Variants in DGKB observed in about 807,000 individuals in gnomAD.
DGKB encodes the protein 90 kDa diacylglycerol kinase.
DGKB carries 67 observed loss-of-function variants against 114.3 expected under a neutral mutation model. That is an observed-to-expected ratio of 0.59 (90% CI 0.48 to 0.72). The LOEUF is 0.72. Ranked by LOEUF, DGKB falls within the 30% of genes least tolerant of loss-of-function variation. The pLI, the probability that DGKB is intolerant of heterozygous loss-of-function variation, is 0.00. For synonymous variants in DGKB, 398 were observed against 323.1 expected (o/e 1.23, Z -2.49); for missense variants, 907 against 975.2 (o/e 0.93, Z 0.93).
intron 21 of DGKB, among the ~76,000 whole-genome samples, chr7:14,455,293 C>T (rs1360087943): frequency 6.6e-6 from 1 of 151,970 alleles, no homozygotes; most frequent in East Asian, 1.9e-4. Flanking sequence ...GGTGTGGAAT[C>T]ATGAACATTT....
chr7:14,675,950 T>G (rs1050344302), intron 12 of DGKB, among the ~76,000 whole-genome samples: 1 of 152,048 alleles, frequency 6.6e-6, no homozygotes, highest in Non-Finnish European at 1.5e-5. Context: ...TGAATCAAAT[T>G]TGTATGACAG....
At position 14,148,971 on chromosome 7, in the gene DGKB, C is replaced by CTAA; in HGVS notation, c.*157_*159dup. 3.1e-6 allele frequency: 2 copies of CTAA among 640,676 alleles called. No individual in the cohort carries two copies. The highest frequency in any genetic ancestry group is 2.7e-6 in the Non-Finnish European group (1 of 372,622). 39.7% of individuals were successfully genotyped at this position (640,676 alleles called of 1,614,324 possible). A position where few individuals can be genotyped will look rare whatever the true frequency, so the allele number is the denominator to read the frequency against. Reference sequence around the variant, plus strand: ...TATAAAAACTGAGACAATAAATTTTCTAATAGCTGAATTTTACATTAGCTT... The same window carrying CTAA: ...TATAAAAACTGAGACAATAAATTTTCTAATAATAGCTGAATTTTACATTAGCTT... On this transcript the variant is annotated 3_prime_UTR_variant, in exon 26 of 26. Coordinates refer to ENST00000402815, the MANE Select transcript of DGKB (RefSeq NM_001350709.2).
At chr7:14,295,427 G>A (rs1428351287) in intron 23 of DGKB, among the ~76,000 whole-genome samples, 1 of 152,062 alleles carries the variant, frequency 6.6e-6, no homozygotes, top group African/African-American at 2.4e-5. Flanking sequence ...GGCCAAAAGT[G>A]TGTTTGAATT....
At chr7:14,416,122 GT>G (rs1825695700) in intron 21 of DGKB, among the ~76,000 whole-genome samples, 1 of 151,944 alleles carries the variant, frequency 6.6e-6, no homozygotes, top group African/African-American at 2.4e-5. Context: ...GGGGTTGTTT[GT>G]TTTTTTCTTG....
chr7:14,381,836 T>G (rs1047608669), intron 21 of DGKB, among the ~76,000 whole-genome samples: 2 of 152,178 alleles, frequency 1.3e-5, no homozygotes, highest in Non-Finnish European at 2.9e-5. Context: ...ATTATATTGG[T>G]CCCAGAGGAA....
rs369072856 is a variant in DGKB at position 14,283,911 on chromosome 7, A to G, written c.2122+54604T>C. On this transcript the variant is annotated intron_variant, in intron 23 of 25. Coordinates refer to ENST00000402815, the MANE Select transcript of DGKB (RefSeq NM_001350709.2). ...CGTTAGACCTAAAACCATAAAAACC[A>G]TAGAAGAAAACCTAGGCATTACCAT... Among the ~76,000 whole-genome samples the G allele has an allele frequency of 2.0e-5, 3 of 151,880 alleles. No individual in the cohort carries two copies. The East Asian group carries it at 5.8e-4, about 29-fold the overall frequency.
At chr7:14,380,652 T>A (rs906702497) in intron 21 of DGKB, among the ~76,000 whole-genome samples, 8 of 152,224 alleles carry the variant, frequency 5.3e-5, no homozygotes, top group Admixed American at 3.3e-4. Context: ...AGAAAACAAA[T>A]TTAATAATAA....
intron 13 of DGKB, among the ~76,000 whole-genome samples, chr7:14,669,691 T>G (rs1461258340): frequency 6.6e-6 from 1 of 152,184 alleles, no homozygotes; most frequent in East Asian, 1.9e-4. Context: ...CAAAGTCCAT[T>G]GTTTTGGACT....
chr7:14,525,719 A>G (rs1052321483), intron 20 of DGKB, among the ~76,000 whole-genome samples: 27 of 151,878 alleles, frequency 1.8e-4, no homozygotes, highest in African/African-American at 6.5e-4. Flanking sequence ...ATAAAAAAAA[A>G]GTAGAAAAAG....
intron 20 of DGKB, among the ~76,000 whole-genome samples, chr7:14,547,532 T>C (rs145050698): frequency 3.6e-4 from 55 of 152,300 alleles, no homozygotes; most frequent in Admixed American, 1.5e-3. Context: ...GTTTTGTAAG[T>C]TAATTATAGA....
rs144261317 is a variant in DGKB at position 14,811,126 on chromosome 7, G to A, written c.70+30068C>T. 1.9e-3 allele frequency among the ~76,000 whole-genome samples: 291 copies of A among 152,220 alleles called. 3 individuals are homozygous for A. The highest frequency in any genetic ancestry group is 0.014 in the Middle Eastern group (4 of 294). On this transcript the variant is annotated intron_variant, in intron 2 of 25. Transcript: ENST00000402815. ...GATTTTGATGGTATAACTAAAAAGT[G>A]GCATTCTGGAAGCTCAGAATAGATC...
chr7:14,570,446 C>CA (rs967239255), intron 20 of DGKB, among the ~76,000 whole-genome samples: 4 of 151,832 alleles, frequency 2.6e-5, no homozygotes, highest in Non-Finnish European at 4.4e-5. Flanking sequence ...CTCTTGCAGA[C>CA]AAAAAAATTG....
At chr7:14,653,999 A>C (rs1445071104) in intron 13 of DGKB, among the ~76,000 whole-genome samples, 1 of 151,992 alleles carries the variant, frequency 6.6e-6, no homozygotes, top group Non-Finnish European at 1.5e-5. Context: ...TACTTTTACC[A>C]CTCTTATTCA....
intron 1 of DGKB, among the ~76,000 whole-genome samples, chr7:14,937,943 A>C (rs1303795529): frequency 6.6e-6 from 1 of 151,934 alleles, no homozygotes; most frequent in Non-Finnish European, 1.5e-5. Flanking sequence ...TGCAGTATAT[A>C]ATACAACAAA....
At chr7:14,759,549 GT>G (rs1835386711) in intron 2 of DGKB, among the ~76,000 whole-genome samples, 1 of 152,000 alleles carries the variant, frequency 6.6e-6, no homozygotes, top group Admixed American at 6.6e-5. Flanking sequence ...TTAGCTTAGT[GT>G]TTTCAAGGTT....
At chr7:14,694,867 T>C (rs73272145) in intron 8 of DGKB, among the ~76,000 whole-genome samples, 2,206 of 152,268 alleles carry the variant, frequency 0.014, 60 homozygotes, top group African/African-American at 0.05. Flanking sequence ...CAGAGTCATA[T>C]AGTGTTGTTT....
At chr7:14,380,281 T>C (rs1205847463) in intron 21 of DGKB, among the ~76,000 whole-genome samples, 2 of 151,826 alleles carry the variant, frequency 1.3e-5, no homozygotes, top group Non-Finnish European at 2.9e-5. Context: ...AATGGCAGCA[T>C]GTTTTTAATT....
chr7:14,937,102 CA>C (rs914762754), intron 1 of DGKB, among the ~76,000 whole-genome samples: 4 of 148,768 alleles, frequency 2.7e-5, no homozygotes, highest in African/African-American at 9.9e-5. Flanking sequence ...AATTTTGCTA[CA>C]TTTTTTTCAT....
chr7:14,612,938 A>G (rs1224409183), intron 16 of DGKB, among the ~76,000 whole-genome samples: 1 of 152,154 alleles, frequency 6.6e-6, no homozygotes, highest in Non-Finnish European at 1.5e-5. Context: ...CACATGCAGA[A>G]AATCATTATA....
Sources: gnomAD v4.1 joint callset for allele counts (sites outside exome capture counted in the v4.1 genomes callset) on GRCh38, gnomAD v4.1.1 for gene constraint, MANE v1.5 for transcripts, NCBI Gene and HGNC (gene_info 2026-07-23, HGNC 2026-07-21) for gene names.